The following P4HA1 variants were observed in gnomAD, a reference collection of about 807,000 sequenced individuals.
The protein encoded by P4HA1 is prolyl 4-hydroxylase subunit alpha 1.
In P4HA1, 24 loss-of-function variants were observed where a neutral mutation model predicts 72.8. The ratio of observed to expected loss-of-function variants is 0.33; its 90% CI spans 0.24 to 0.46. P4HA1 has a LOEUF of 0.46. Among genes scored for constraint, P4HA1 ranks in the 20% least tolerant of loss-of-function variants. The pLI, the probability that P4HA1 is intolerant of heterozygous loss-of-function variation, is 1.00. For missense variants in P4HA1, 446 were observed against 640.6 expected (o/e 0.70, Z 3.28); for synonymous variants, 201 against 218.8 (o/e 0.92, Z 0.72).
chr10:73,030,054 A>C (rs1203192108), intron 10 of P4HA1, among the ~76,000 whole-genome samples: 2 of 152,204 alleles, frequency 1.3e-5, no homozygotes. Context: ...TTCCCTAGAT[A>C]AGAGTTTTCA....
chr10:73,084,604 G>A (rs926724826), intron 1 of P4HA1, among the ~76,000 whole-genome samples: 3 of 152,070 alleles, frequency 2.0e-5, no homozygotes, highest in Admixed American at 6.6e-5. Flanking sequence ...GTGAGCCACC[G>A]TGCCCAGACC....
chr10:73,080,396 G>C (rs994514368), intron 1 of P4HA1, among the ~76,000 whole-genome samples: 17 of 152,136 alleles, frequency 1.1e-4, no homozygotes, highest in African/African-American at 4.1e-4. Context: ...GTGCTGGCTG[G>C]GGGATCACAG....
At chr10:73,084,816 C>G (rs559593957) in intron 1 of P4HA1, among the ~76,000 whole-genome samples, 2 of 152,106 alleles carry the variant, frequency 1.3e-5, no homozygotes, top group Admixed American at 6.6e-5. Flanking sequence ...AAAATTAACA[C>G]ATTAAGACCA....
intron 9 of P4HA1, among the ~76,000 whole-genome samples, chr10:73,037,559 A>ATT (rs1840618917): frequency 3.1e-5 from 1 of 32,282 alleles, no homozygotes; most frequent in African/African-American, 1.4e-4. Context: ...ATATATATAT[A>ATT]TATATATATA....
At chr10:73,040,720 C>T (rs1840711558) in intron 9 of P4HA1, among the ~76,000 whole-genome samples, 1 of 152,120 alleles carries the variant, frequency 6.6e-6, no homozygotes, top group African/African-American at 2.4e-5. Flanking sequence ...GATCCACCCA[C>T]CTTGGCCTCC....
intron 9 of P4HA1, among the ~76,000 whole-genome samples, chr10:73,040,570 G>A (rs1840708176): frequency 6.6e-6 from 1 of 151,294 alleles, no homozygotes; most frequent in Admixed American, 6.6e-5. Context: ...CTACCTCCCG[G>A]GTTCAAGCCA....
chr10:73,039,986 T>C (rs1840695153), intron 9 of P4HA1, among the ~76,000 whole-genome samples: 1 of 150,820 alleles, frequency 6.6e-6, no homozygotes, highest in African/African-American at 2.4e-5. Context: ...CTAAGCCTCC[T>C]GGGTAGCTGG....
chr10:73,044,843 T>C (rs1840816135), intron 9 of P4HA1, 138 bp downstream of exon 9: 4 of 541,026 alleles, frequency 7.4e-6, no homozygotes, highest in African/African-American at 5.8e-5. Context: ...AGTTTATCCA[T>C]GCGTTATCCT....
intron 1 of P4HA1, among the ~76,000 whole-genome samples, chr10:73,095,976 GAT>G (rs907626184): frequency 6.6e-6 from 1 of 152,216 alleles, no homozygotes; most frequent in African/African-American, 2.4e-5. Flanking sequence ...TTGTTGGACT[GAT>G]GTGGACTTTT....
chr10:73,019,361 A>G (rs1183990423), intron 10 of P4HA1, among the ~76,000 whole-genome samples: 1 of 152,222 alleles, frequency 6.6e-6, no homozygotes. Flanking sequence ...GAAACAAGAA[A>G]CATTAAAAAG....
chr10:73,014,974 G>A (rs1405917279), intron 11 of P4HA1, among the ~76,000 whole-genome samples: 8 of 151,828 alleles, frequency 5.3e-5, no homozygotes, highest in Admixed American at 2.0e-4. Flanking sequence ...GGCTACAGGC[G>A]TGTACCACCA....
intron 5 of P4HA1, among the ~76,000 whole-genome samples, chr10:73,064,040 A>G (rs1438654001): frequency 6.6e-6 from 1 of 152,234 alleles, no homozygotes; most frequent in Non-Finnish European, 1.5e-5. Context: ...AGAAACAAGA[A>G]TAAGTTGTAA....
chr10:73,085,323 G>A (rs180828449), intron 1 of P4HA1, among the ~76,000 whole-genome samples: 4 of 151,886 alleles, frequency 2.6e-5, no homozygotes, highest in Admixed American at 6.6e-5. Context: ...AAGTATTTGC[G>A]AATCACATTT....
At chr10:73,079,117 T>A (rs904286037) in intron 1 of P4HA1, among the ~76,000 whole-genome samples, 1 of 152,208 alleles carries the variant, frequency 6.6e-6, no homozygotes, top group Non-Finnish European at 1.5e-5. Flanking sequence ...TGTTCCATCT[T>A]GTAGTTCTAT....
chr10:73,068,161 T>C (rs1200655908), intron 5 of P4HA1, among the ~76,000 whole-genome samples: 2 of 152,138 alleles, frequency 1.3e-5, no homozygotes, highest in Non-Finnish European at 2.9e-5. Flanking sequence ...TACCTTCACC[T>C]CAAATAAAGG....
intron 6 of P4HA1, among the ~76,000 whole-genome samples, chr10:73,052,349 C>T (rs1044342751): frequency 1.3e-5 from 2 of 152,058 alleles, no homozygotes; most frequent in African/African-American, 4.8e-5. Flanking sequence ...ATAAATGTTA[C>T]GATATCCAAT....
chr10:73,021,155 A>AC (rs1191280129), intron 10 of P4HA1, among the ~76,000 whole-genome samples: 2 of 151,760 alleles, frequency 1.3e-5, no homozygotes, highest in East Asian at 1.9e-4. Context: ...AAACAAAAAA[A>AC]CCCAAAAATA....
intron 4 of P4HA1, among the ~76,000 whole-genome samples, chr10:73,071,030 T>C (rs1231331430): frequency 6.6e-6 from 1 of 151,374 alleles, no homozygotes; most frequent in Non-Finnish European, 1.5e-5. Flanking sequence ...AAAGAAAAAT[T>C]TTTAAATTGG....
Position 73,053,352 on chromosome 10 carries a change from T to G in P4HA1, c.702A>C (p.Leu234=). The change falls in exon 6 of 15, where the codon CTA becomes CTC. Residue 234 remains leucine (L), a splice_region_variant and synonymous_variant. Transcript: ENST00000394890. ...ALLLTKKLLE[L]DPEHQRANGN... ...TTAAATTAGGCCCAGATAACATACC[T>G]AGTTCAAGAAGCTTCTTTGTGAGCA... 1 of 1,613,932 alleles carries G rather than the reference T, an allele frequency of 6.2e-7. No individual in the cohort carries two copies. The highest frequency in any genetic ancestry group is 1.3e-5 in the African/African-American group (1 of 75,028).
Sources: allele counts gnomAD v4.1 joint callset (sites outside exome capture counted in the v4.1 genomes callset), GRCh38; gene constraint gnomAD v4.1.1; transcripts MANE v1.5; gene names NCBI Gene and HGNC (gene_info 2026-07-23, HGNC 2026-07-21).